Variants in TMEM237 observed in about 807,000 individuals in gnomAD.
The protein encoded by TMEM237 is transmembrane protein 237, also known as amyotrophic lateral sclerosis 2 (juvenile) chromosome region, candidate 4.
Under a neutral mutation model 59.1 loss-of-function variants are expected in TMEM237, and 51 were observed. That is an observed-to-expected ratio of 0.86 (90% CI 0.69 to 1.09). The LOEUF is 1.09. Among genes scored for constraint, TMEM237 ranks in the 50% least tolerant of loss-of-function variants. The probability of loss-of-function intolerance (pLI) is 0.00; values close to 1 mark genes in which losing one functional copy is unlikely to be tolerated. For missense variants in TMEM237, 475 were observed against 478.3 expected, an observed-to-expected ratio of 0.99 and a Z score of 0.06; for synonymous variants, 140 against 166.1, an observed-to-expected ratio of 0.84 and a Z score of 1.21.
chr2:201,633,479 G>C, intron 5 of TMEM237, 48 bp from the exon 6 acceptor site: 2 of 1,415,488 alleles, frequency 1.4e-6, no homozygotes, highest in Non-Finnish European at 1.9e-6. Context: ...AACATAAAAA[G>C]AAAAGTAATG....
rs1957786211 is a variant in TMEM237 at position 201,629,219 on chromosome 2, A to G, written c.869+11T>C. 6.5e-7 allele frequency: 1 copy of G among 1,535,010 alleles called. No individual in the cohort carries two copies. The highest frequency in any genetic ancestry group is 2.3e-5 in the East Asian group (1 of 43,546). On this transcript the variant is annotated intron_variant, in intron 9 of 12. Transcript: ENST00000409883. ...GAAGAAGTTAGACAGATCTGGAGTC[A>G]TAGGCATTACCTGTCAAAAGCTGAA...
chr2:201,628,063 A>G lies in TMEM237; in HGVS notation c.943+13T>C, dbSNP rs1957774833. 4 of 1,597,854 alleles carry G rather than the reference A, an allele frequency of 2.5e-6. No individual in the cohort carries two copies. Among genetic ancestry groups the G allele is most frequent in the Non-Finnish European group, 3.4e-6 (4 of 1,170,180 alleles). On this transcript the variant is annotated intron_variant, in intron 10 of 12. Transcript: ENST00000409883. ...AAGTATTACACAGTTATCATGTTAA[A>G]CTGCTTACTCACAGAAAGATGCTAA...
At position 201,632,214 on chromosome 2, in the gene TMEM237, A is replaced by G; in HGVS notation, c.396-6T>C. 1 of 1,613,598 alleles carries G rather than the reference A, an allele frequency of 6.2e-7. No homozygotes were observed. The highest frequency in any genetic ancestry group is 8.5e-7 in the Non-Finnish European group (1 of 1,179,662). ...ATTCTGCTGGCTGGGTTTTCCTGTA[A>G]TAAGGACGTATGTATGAAAAATAGA... On this transcript the variant is annotated splice_region_variant and splice_polypyrimidine_tract_variant and intron_variant, in intron 6 of 12. Coordinates refer to ENST00000409883, the MANE Select transcript of TMEM237 (RefSeq NM_001044385.3).
Position 201,633,449 on chromosome 2 carries a change from T to C in TMEM237, c.275-18A>G. 1 of 1,506,008 alleles carries C rather than the reference T, an allele frequency of 6.6e-7. No individual in the cohort carries two copies. The highest frequency in any genetic ancestry group is 1.3e-5 in the South Asian group (1 of 74,462). The allele number at this position is 1,506,008 out of a possible 1,614,324, so 93.3% of individuals were successfully genotyped here. A position where few individuals can be genotyped will look rare whatever the true frequency, so the allele number is the denominator to read the frequency against. ...CTCCAATTCTGAAAACAAAATAAAT[T>C]TAACTTTTCAAATAACTAAAACATA... On this transcript the variant is annotated intron_variant, in intron 5 of 12. Transcript: ENST00000409883.
Position 201,629,779 on chromosome 2 carries a change from C to T in TMEM237, c.627G>A (p.Lys209=). The change falls in exon 8 of 13, where the codon AAG becomes AAA. Residue 209 remains lysine (K), a synonymous_variant. Coordinates refer to ENST00000409883, the MANE Select transcript of TMEM237 (RefSeq NM_001044385.3). ...CCACATCTCTGGTGGTCCAGGAAGG[C>T]TTCACGTCCATTGACACATCTATGT... ...TENIDVSMDV[K]PSWTTRDVAL... 6.2e-7 allele frequency: 1 copy of T among 1,613,668 alleles called. No homozygotes were observed. The highest frequency in any genetic ancestry group is 1.3e-5 in the African/African-American group (1 of 75,052).
intron 4 of TMEM237, among the ~76,000 whole-genome samples, chr2:201,637,137 CAGG>C (rs1020199336): frequency 1.3e-5 from 2 of 152,112 alleles, no homozygotes; most frequent in African/African-American, 2.4e-5. Context: ...GAGCAAAAGA[CAGG>C]AGGAGGAGAA....
Position 201,630,251 on chromosome 2 carries a change from G to T in TMEM237, c.554-399C>A, listed in dbSNP as rs906095195. Among the ~76,000 whole-genome samples the T allele has an allele frequency of 2.6e-5, 4 of 152,308 alleles. No individual in the cohort carries two copies. In the East Asian group the frequency reaches 5.8e-4, roughly 22 times the overall value. The stretch of plus-strand genomic sequence containing the variant: ...TTATATGCCTATACTATCAAGGTAA[G>T]TCAATATTTGAAAACTACTTTAAAT... On this transcript the variant is annotated intron_variant, in intron 7 of 12. Transcript: ENST00000409883.
Position 201,634,855 on chromosome 2 carries a change from C to T in TMEM237, c.275-1424G>A, listed in dbSNP as rs1456014400. The T allele has an allele frequency of 9.1e-6, 4 of 441,976 alleles. No homozygotes were observed. In the Admixed American group the frequency reaches 1.0e-4, roughly 11 times the overall value. 27.4% of individuals were successfully genotyped at this position (441,976 alleles called of 1,614,324 possible). On this transcript the variant is annotated intron_variant, in intron 5 of 12. Transcript: ENST00000409883. Reference sequence around the variant, plus strand: ...GACTTTTCTAGTTCCTGCCCTTCTACTCCTATAATTCTTCCATCCAATCAA... The same window carrying T: ...GACTTTTCTAGTTCCTGCCCTTCTATTCCTATAATTCTTCCATCCAATCAA...
Position 201,629,328 on chromosome 2 carries a change from G to T in TMEM237, c.771C>A (p.Asn257Lys), listed in dbSNP as rs1957787558. Residue 257 changes from asparagine to lysine, a missense_variant, in exon 9 of 13, where the codon AAC becomes AAA. Physicochemically the swap from Asn to Lys is moderately conservative, Grantham distance 94 (BLOSUM62 0). Coordinates refer to ENST00000409883, the MANE Select transcript of TMEM237 (RefSeq NM_001044385.3). ...TGTATTGTTGCAGAAGGTTTGAGAGGTTGGATAGCTGATCTCCTGCTAGAA... is the reference window on the plus strand; with the variant it reads ...TGTATTGTTGCAGAAGGTTTGAGAGTTTGGATAGCTGATCTCCTGCTAGAA... ...IYVLAGDQLS[N>K]LSNLLQQYKT... 2 of 1,611,922 alleles carry T rather than the reference G, an allele frequency of 1.2e-6. No homozygotes were observed. Among genetic ancestry groups the T allele is most frequent in the Non-Finnish European group, 8.5e-7 (1 of 1,179,256 alleles).
At chr2:201,631,053 T>C (rs1318497919) in intron 7 of TMEM237, 2 of 152,216 alleles carry the variant, frequency 1.3e-5, no homozygotes, top group Admixed American at 1.3e-4. Flanking sequence ...TCTTAAACAC[T>C]GTGTTATAGA....
At chr2:201,627,159 A>AT (rs2105897947) in intron 11 of TMEM237, among the ~76,000 whole-genome samples, 162 bp downstream of exon 11, 1 of 152,336 alleles carries the variant, frequency 6.6e-6, no homozygotes, top group South Asian at 2.1e-4. Context: ...GCAGGTGGAC[A>AT]TAACAATAGT....
chr2:201,643,369 T>G lies in TMEM237; in HGVS notation c.32A>C (p.Glu11Ala), dbSNP rs1357578155. The G allele has an allele frequency of 3.3e-6, 5 of 1,536,884 alleles. No individual in the cohort carries two copies. The highest frequency in any genetic ancestry group is 4.4e-6 in the Non-Finnish European group (5 of 1,141,900). Residue 11 changes from glutamate (E) to alanine (A), a missense_variant, in exon 1 of 13, where the codon GAG becomes GCG. By Grantham distance (107) the Glu-to-Ala change is moderately radical. Transcript: ENST00000409883. The surrounding 1 kb of genome is among the most constrained non-coding windows in gnomAD (Gnocchi z 4.3). The stretch of plus-strand genomic sequence containing the variant: ...CCCCTCGCCGCTCACCAGGTGGCCC[T>G]CCTCCAGCCGAGCCCCCGAGTCAGT... MRTDSGARLE[E>A]GHLRPPRALP...
At position 201,629,258 on chromosome 2, in the gene TMEM237, C is replaced by G; in HGVS notation, c.841G>C (p.Ala281Pro). Reference protein sequence around the residue: ...PFQSLLYLLLALSTISAFDRI... With the variant: ...PFQSLLYLLLPLSTISAFDRI... Reference sequence around the variant, plus strand: ...TCAAAAGCTGAAATTGTACTCAGAGCCAAAAGCAAGTACAGAAGACTCTGG... The same window carrying G: ...TCAAAAGCTGAAATTGTACTCAGAGGCAAAAGCAAGTACAGAAGACTCTGG... Residue 281 changes from alanine (A) to proline (P), a missense_variant, in exon 9 of 13, where the codon GCT becomes CCT. By Grantham distance (27) the Ala-to-Pro change is conservative. Transcript: ENST00000409883. 6.3e-7 allele frequency: 1 copy of G among 1,579,524 alleles called. No homozygotes were observed.
At chr2:201,626,294 A>G (rs1957758396) in intron 11 of TMEM237, 147 bp from the exon 12 acceptor site, 1 of 814,204 alleles carries the variant, frequency 1.2e-6, no homozygotes, top group East Asian at 2.8e-5. Flanking sequence ...ATTTCCCTGT[A>G]AAATATACCA....
intron 7 of TMEM237, among the ~76,000 whole-genome samples, chr2:201,631,740 CAT>C (rs754100948): frequency 1.6e-4 from 24 of 152,204 alleles, no homozygotes; most frequent in African/African-American, 2.6e-4. Flanking sequence ...TGTGTGTGCA[CAT>C]GTGTATATGC....
At chr2:201,633,249 A>G (rs1687217940) in intron 6 of TMEM237, 62 bp downstream of exon 6, 2 of 1,519,568 alleles carry the variant, frequency 1.3e-6, no homozygotes, top group African/African-American at 2.8e-5. Flanking sequence ...ACTGCTTCGG[A>G]GCTCCAAACA....
chr2:201,635,657 G>C lies in TMEM237; in HGVS notation c.274+1091C>G, dbSNP rs1687286248. Among the ~76,000 whole-genome samples the C allele has an allele frequency of 6.6e-6, 1 of 152,046 alleles. No individual in the cohort carries two copies. The highest frequency in any genetic ancestry group is 2.1e-4 in the South Asian group (1 of 4,812). On this transcript the variant is annotated intron_variant, in intron 5 of 12. Transcript: ENST00000409883. This position sits in a 1 kb window ranked among gnomAD's most constrained non-coding sequence, Gnocchi z 4.5. ...AATGCCTGTAATCCCAGCTACTCAG[G>C]AGGCCGAGGCAGGAGAATCGCTTGT... is the stretch of plus-strand genomic sequence containing the variant.
chr2:201,623,523 G>A lies in TMEM237; in HGVS notation c.*732C>T, dbSNP rs1350967049. 4 of 155,148 alleles carry A rather than the reference G, an allele frequency of 2.6e-5. No homozygotes were observed. Among genetic ancestry groups the A allele is most frequent in the African/African-American group, 9.6e-5 (4 of 41,570 alleles). The allele number at this position is 155,148 out of a possible 1,614,324, so 9.6% of individuals were successfully genotyped here. A position where few individuals can be genotyped will look rare whatever the true frequency, so the allele number is the denominator to read the frequency against. On this transcript the variant is annotated 3_prime_UTR_variant, in exon 13 of 13. Transcript: ENST00000409883. ...CAACTGGGAGCCCACAAGCTCACAG[G>A]TCTCTCCTTTATTCCCCTGAGCCTT...
intron 2 of TMEM237, 140 bp downstream of exon 2, chr2:201,640,753 A>T: frequency 1.5e-6 from 1 of 681,226 alleles, no homozygotes; most frequent in Non-Finnish European, 2.4e-6. Context: ...TTTCACCTTT[A>T]AAATTTCAGA....
Sources: gnomAD v4.1 joint callset for allele counts (sites outside exome capture counted in the v4.1 genomes callset) on GRCh38, gnomAD v4.1.1 for gene constraint, Gnocchi (gnomAD v3.1) non-coding constraint, MANE v1.5 for transcripts, NCBI Gene and HGNC (gene_info 2026-07-23, HGNC 2026-07-21) for gene names.